KLHL1: variants seen among roughly 807,000 people sequenced by gnomAD.
KLHL1 encodes the protein kelch-like protein 1.
A neutral mutation model predicts 77.7 loss-of-function variants in KLHL1; 47 were observed. That is an observed-to-expected ratio of 0.60 (90% confidence interval 0.48 to 0.77). The LOEUF (loss-of-function observed/expected upper bound fraction) is 0.77. Ranked by LOEUF, KLHL1 falls within the 30% of genes least tolerant of loss-of-function variation. The pLI is 0.00. For missense variants in KLHL1, 925 were observed against 910.8 expected, an observed-to-expected ratio of 1.02 and a Z score of -0.20; for synonymous variants, 360 against 325.2, an observed-to-expected ratio of 1.11 and a Z score of -1.15.
rs1593933631 is a variant in KLHL1 at position 69,902,543 on chromosome 13, T to A, written c.1015-20048A>T. On this transcript the variant is annotated intron_variant, in intron 4 of 10. Coordinates refer to ENST00000377844, the MANE Select transcript of KLHL1 (RefSeq NM_020866.3). Reference sequence around the variant, plus strand: ...GAGAGAATTCTGGATTAAGAAAATGTGGCATATATACACCACGGAATACCA... The same window carrying A: ...GAGAGAATTCTGGATTAAGAAAATGAGGCATATATACACCACGGAATACCA... Among the ~76,000 whole-genome samples, 3 of 152,298 alleles carry A rather than the reference T, an allele frequency of 2.0e-5. No individual in the cohort carries two copies. In the East Asian group the frequency reaches 5.8e-4, roughly 29 times the overall value.
chr13:70,068,045 TAA>T (rs11383566), intron 1 of KLHL1, among the ~76,000 whole-genome samples: 9 of 141,470 alleles, frequency 6.4e-5, no homozygotes, highest in Non-Finnish European at 4.7e-5. Context: ...TTAGTATAAG[TAA>T]AAAAAAAAAA....
At chr13:69,768,189 G>A (rs753816752) in intron 7 of KLHL1, among the ~76,000 whole-genome samples, 3 of 152,120 alleles carry the variant, frequency 2.0e-5, no homozygotes, top group Admixed American at 1.3e-4. Flanking sequence ...TTACCAAGCT[G>A]CAAAGAATGC....
intron 5 of KLHL1, among the ~76,000 whole-genome samples, chr13:69,849,418 C>T (rs976795508): frequency 1.3e-5 from 2 of 151,462 alleles, no homozygotes; most frequent in Non-Finnish European, 3.0e-5. Context: ...TATGTTAGCT[C>T]TTCTGATCTC....
chr13:70,047,438 A>G (rs1886530236), intron 1 of KLHL1, among the ~76,000 whole-genome samples: 1 of 151,560 alleles, frequency 6.6e-6, no homozygotes, highest in Non-Finnish European at 1.5e-5. Context: ...TAAATATATA[A>G]CTGTATAGGT....
At chr13:70,010,911 T>TAATAAAATAAAATAA (rs67519504) in intron 1 of KLHL1, among the ~76,000 whole-genome samples, 66 of 147,716 alleles carry the variant, frequency 4.5e-4, no homozygotes, top group South Asian at 1.3e-3. Flanking sequence ...ATAATAATAA[T>TAATAAAATAAAATAA]AATAAAATAA....
chr13:69,806,155 A>T (rs1013056064), intron 6 of KLHL1, among the ~76,000 whole-genome samples: 1 of 152,186 alleles, frequency 6.6e-6, no homozygotes, highest in African/African-American at 2.4e-5. Flanking sequence ...ATAATTTGTT[A>T]TTCTTTTGAG....
At position 69,993,671 on chromosome 13, in the gene KLHL1, G is replaced by T. The variant is rs146350264; in HGVS notation, c.498-17869C>A. Among the ~76,000 whole-genome samples the T allele has an allele frequency of 6.7e-4, 102 of 152,148 alleles. No homozygotes were observed. The East Asian group carries it at 0.018, about 26-fold the overall frequency. The stretch of plus-strand genomic sequence containing the variant: ...CCTTCTCCCTTCAGGCCTAGAGGTA[G>T]TAATGGACTCCATTTTTCTCATCTG... On this transcript the variant is annotated intron_variant, in intron 1 of 10. Coordinates refer to ENST00000377844, the MANE Select transcript of KLHL1 (RefSeq NM_020866.3).
chr13:69,721,424 G>A (rs1873059009), intron 8 of KLHL1, among the ~76,000 whole-genome samples: 1 of 151,582 alleles, frequency 6.6e-6, no homozygotes, highest in African/African-American at 2.4e-5. Context: ...ATGGTCATGA[G>A]CCCTTAACTT....
chr13:69,824,966 G>A (rs916112326), intron 6 of KLHL1, among the ~76,000 whole-genome samples: 1 of 152,052 alleles, frequency 6.6e-6, no homozygotes, highest in East Asian at 1.9e-4. Context: ...ATGTGTTTAG[G>A]ATCAAGTTCA....
intron 3 of KLHL1, among the ~76,000 whole-genome samples, chr13:69,951,146 A>C (rs910769521): frequency 2.6e-5 from 4 of 151,618 alleles, no homozygotes; most frequent in African/African-American, 4.8e-5. Flanking sequence ...TATGAATACA[A>C]ACAGAGTTTT....
At chr13:69,918,021 C>T (rs1395462536) in intron 4 of KLHL1, among the ~76,000 whole-genome samples, 1 of 152,052 alleles carries the variant, frequency 6.6e-6, no homozygotes, top group East Asian at 1.9e-4. Context: ...GCACCCCACA[C>T]TTGCTATTTT....
intron 4 of KLHL1, among the ~76,000 whole-genome samples, chr13:69,922,354 T>G (rs1446647098): frequency 6.6e-6 from 1 of 152,078 alleles, no homozygotes; most frequent in Non-Finnish European, 1.5e-5. Flanking sequence ...CACAAAGTGG[T>G]GAAGTACGAA....
chr13:69,723,164 A>G (rs1873146573), intron 8 of KLHL1, among the ~76,000 whole-genome samples: 1 of 152,178 alleles, frequency 6.6e-6, no homozygotes, highest in South Asian at 2.1e-4. Flanking sequence ...GTTATCAAAG[A>G]CTGGAGAGAA....
chr13:69,771,258 T>C (rs1875549693), intron 7 of KLHL1, among the ~76,000 whole-genome samples: 1 of 147,514 alleles, frequency 6.8e-6, no homozygotes, highest in African/African-American at 2.6e-5. Context: ...TCTAACACCA[T>C]GTGCCTTTAG....
chr13:69,827,012 T>C (rs1878575084), intron 6 of KLHL1, among the ~76,000 whole-genome samples: 1 of 151,832 alleles, frequency 6.6e-6, no homozygotes, highest in South Asian at 2.1e-4. Flanking sequence ...GATACTAATT[T>C]CATGGTTCTT....
In KLHL1 at chr13:69,976,939, T is replaced by C. The variant is rs73512674; in HGVS notation, c.498-1137A>G. ...AGGTATTTACTAGTTATTAACAACA[T>C]AGAGTGAGAGTCCAAGGAGCTCAAC... is the stretch of plus-strand genomic sequence containing the variant. On this transcript the variant is annotated intron_variant, in intron 1 of 10. Transcript: ENST00000377844. Among the ~76,000 whole-genome samples, 984 of 152,150 alleles carry C rather than the reference T, an allele frequency of 6.5e-3. 11 individuals are homozygous for C. Among genetic ancestry groups the C allele is most frequent in the African/African-American group, 0.023 (950 of 41,544 alleles).
intron 4 of KLHL1, among the ~76,000 whole-genome samples, chr13:69,934,965 T>TATATATAC (rs1439567439): frequency 2.8e-5 from 1 of 35,784 alleles, no homozygotes; most frequent in African/African-American, 7.2e-5. Flanking sequence ...TGCATGTGTA[T>TATATATAC]ATATATATAT....
In KLHL1 at chr13:69,701,683, CAAGTAA is replaced by C. The variant is rs772396020; in HGVS notation, c.*13_*18del. On this transcript the variant is annotated 3_prime_UTR_variant, in exon 11 of 11. Coordinates refer to ENST00000377844, the MANE Select transcript of KLHL1 (RefSeq NM_020866.3). ...ACCACTCCAGCAAGTAAAATCTTTCCAAGTAAAATATCAATAAGTCAAGGTTGCTTG... is the reference window on the plus strand; with the variant it reads ...ACCACTCCAGCAAGTAAAATCTTTCCAATATCAATAAGTCAAGGTTGCTTG... 1.3e-6 allele frequency: 2 copies of C among 1,582,722 alleles called. No individual in the cohort carries two copies. Among genetic ancestry groups the C allele is most frequent in the Admixed American group, 3.4e-5 (2 of 58,162 alleles).
At chr13:69,963,612 CA>C (rs1884131786) in intron 2 of KLHL1, among the ~76,000 whole-genome samples, 1 of 152,130 alleles carries the variant, frequency 6.6e-6, no homozygotes, top group African/African-American at 2.4e-5. Flanking sequence ...GTGGCCCCTG[CA>C]CAGATATTTG....
Sources: allele counts gnomAD v4.1 joint callset (sites outside exome capture counted in the v4.1 genomes callset), GRCh38; gene constraint gnomAD v4.1.1; transcripts MANE v1.5; gene names NCBI Gene and HGNC (gene_info 2026-07-23, HGNC 2026-07-21).